SETX: variants seen among roughly 807,000 people sequenced by gnomAD.
SETX encodes the protein senataxin.
Under a neutral mutation model 227.2 loss-of-function variants are expected in SETX, and 90 were observed. The observed-to-expected ratio is 0.40, with a 90% confidence interval of 0.33 to 0.47. The LOEUF (loss-of-function observed/expected upper bound fraction) is 0.47. SETX is among the 20% of genes least tolerant of loss of function. The pLI, the probability that SETX is intolerant of heterozygous loss-of-function variation, is 0.91. For synonymous variants in SETX, 1,210 were observed against 1,113.2 expected, an observed-to-expected ratio of 1.09 and a Z score of -1.73; for missense variants, 3,052 against 3,181.5, an observed-to-expected ratio of 0.96 and a Z score of 0.98.
intron 14 of SETX, 60 bp downstream of exon 14, chr9:132,296,827 C>A: frequency 6.7e-7 from 1 of 1,491,122 alleles, no homozygotes; most frequent in Admixed American, 1.7e-5. Flanking sequence ...TGTCAGTTAA[C>A]TCAAGTAAAG....
intron 10 of SETX, among the ~76,000 whole-genome samples, chr9:132,313,391 T>C (rs1845782745): frequency 6.6e-6 from 1 of 152,104 alleles, no homozygotes; most frequent in Non-Finnish European, 1.5e-5. Context: ...ATACTTTTAG[T>C]TTGAAATTAT....
intron 18 of SETX, among the ~76,000 whole-genome samples, chr9:132,285,190 T>C (rs1211878963): frequency 6.6e-6 from 1 of 151,904 alleles, no homozygotes; most frequent in African/African-American, 2.4e-5. Flanking sequence ...GCTATTTTCA[T>C]TAACTGTTTA....
At chr9:132,332,080 A>G (rs1847271785) in intron 7 of SETX, among the ~76,000 whole-genome samples, 1 of 152,224 alleles carries the variant, frequency 6.6e-6, no homozygotes. Context: ...CTTCTCTATC[A>G]AATATGCAGT....
chr9:132,330,142 C>A lies in SETX; in HGVS notation c.1456G>T (p.Val486Leu), dbSNP rs368362172. ...HLLWVSSQQW[V>L]EAVVKCAKLP... ...TTGGCACATTTGACGACGGCTTCCA[C>A]CCATTGCTGGGAACTTACCCACAGC... The change falls in exon 10 of 26, where the codon GTG becomes TTG. Residue 486 changes from valine (V) to leucine (L), a missense_variant. Val to Leu is a conservative substitution (Grantham distance 32, BLOSUM62 1). This residue lies in a region of SETX where 179 missense variants were observed against 197.1 expected (regional missense o/e 0.91). Transcript: ENST00000224140. 1.2e-6 allele frequency: 2 copies of A among 1,610,524 alleles called. No individual in the cohort carries two copies. The highest frequency in any genetic ancestry group is 2.7e-5 in the African/African-American group (2 of 74,894).
intron 3 of SETX, among the ~76,000 whole-genome samples, chr9:132,347,389 C>T (rs1201779912): frequency 4.0e-5 from 6 of 151,780 alleles, no homozygotes; most frequent in East Asian, 2.0e-4. Flanking sequence ...CTCAGCTCAC[C>T]GCAACCTTGG....
chr9:132,335,179 A>G (rs1847520694), intron 6 of SETX, among the ~76,000 whole-genome samples: 1 of 151,800 alleles, frequency 6.6e-6, no homozygotes, highest in African/African-American at 2.4e-5. Context: ...TCACAAAGTC[A>G]GGAGATCGAG....
intron 3 of SETX, among the ~76,000 whole-genome samples, chr9:132,348,023 C>T (rs1848385749): frequency 6.6e-6 from 1 of 150,494 alleles, no homozygotes. Flanking sequence ...GCCATTTGCC[C>T]ATTAAAAAAA....
chr9:132,279,613 G>A (rs1843380559), intron 20 of SETX, among the ~76,000 whole-genome samples: 1 of 152,166 alleles, frequency 6.6e-6, no homozygotes, highest in African/African-American at 2.4e-5. Context: ...ATTTATATGT[G>A]TGATTTTAAA....
intron 5 of SETX, among the ~76,000 whole-genome samples, chr9:132,338,727 T>C (rs1441046601): frequency 6.6e-6 from 1 of 152,180 alleles, no homozygotes; most frequent in Non-Finnish European, 1.5e-5. Context: ...ATCCATATTT[T>C]TTGTATTGTT....
At chr9:132,314,122 C>T (rs1053883819) in intron 10 of SETX, among the ~76,000 whole-genome samples, 8 of 152,016 alleles carry the variant, frequency 5.3e-5, no homozygotes, top group South Asian at 2.1e-4. Context: ...GACAGAGTTT[C>T]GGTCTTGTTG....
intron 7 of SETX, among the ~76,000 whole-genome samples, chr9:132,331,860 TAAAGG>T (rs1847258579): frequency 6.6e-6 from 1 of 151,770 alleles, no homozygotes; most frequent in South Asian, 2.1e-4. Flanking sequence ...AGGAAAAAAA[TAAAGG>T]AAAGAGAAAG....
At chr9:132,337,314 A>C (rs1396304704) in intron 5 of SETX, among the ~76,000 whole-genome samples, 1 of 152,072 alleles carries the variant, frequency 6.6e-6, no homozygotes, top group Non-Finnish European at 1.5e-5. Context: ...AAAGGAAAGA[A>C]AACACAAAAT....
intron 23 of SETX, 98 bp downstream of exon 23, chr9:132,275,158 C>T (rs1843092317): frequency 7.4e-7 from 1 of 1,353,528 alleles, no homozygotes. Context: ...CCAATTTGCA[C>T]AGACCACTCC....
chr9:132,299,505 T>C (rs1844861162), intron 12 of SETX, among the ~76,000 whole-genome samples: 1 of 152,188 alleles, frequency 6.6e-6, no homozygotes, highest in African/African-American at 2.4e-5. Flanking sequence ...ATCACACAAA[T>C]AAACATGGTA....
chr9:132,298,568 G>A (rs1307571349), intron 12 of SETX, among the ~76,000 whole-genome samples: 1 of 152,182 alleles, frequency 6.6e-6, no homozygotes, highest in Non-Finnish European at 1.5e-5. Flanking sequence ...AGCACACAAA[G>A]GGAGGAAGTG....
intron 4 of SETX, among the ~76,000 whole-genome samples, chr9:132,344,104 T>A (rs1848153902): frequency 6.6e-6 from 1 of 152,150 alleles, no homozygotes; most frequent in African/African-American, 2.4e-5. Context: ...AAGTCGACCC[T>A]CCAGAGAAGC....
Position 132,262,630 on chromosome 9 carries a change from G to A in SETX, c.*1609C>T, listed in dbSNP as rs1249841471. 6.6e-6 allele frequency: 1 copy of A among 152,614 alleles called. No homozygotes were observed. Among genetic ancestry groups the A allele is most frequent in the Non-Finnish European group, 1.5e-5 (1 of 68,024 alleles). The allele number at this position is 152,614 out of a possible 1,614,324, so 9.5% of individuals were successfully genotyped here. A position where few individuals can be genotyped will look rare whatever the true frequency, so the allele number is the denominator to read the frequency against. On this transcript the variant is annotated 3_prime_UTR_variant, in exon 26 of 26. Transcript: ENST00000224140. ...AAGTCACCTGCTCCCTGGGTTTCAG[G>A]AGTATTCAGTTGACCGTCTGGACAC...
In SETX at chr9:132,349,419, A is replaced by G; in HGVS notation, c.10T>C (p.Cys4Arg). 1 of 1,614,192 alleles carries G rather than the reference A, an allele frequency of 6.2e-7. No individual in the cohort carries two copies. Among genetic ancestry groups the G allele is most frequent in the Admixed American group, 1.7e-5 (1 of 60,016 alleles). ...GCACCACCTGGCGTACACCAACAAC[A>G]TGTGCTCATTCTGTACCTACAGCCA... MST[C>R]CWCTPGGAST... Residue 4 changes from cysteine (C) to arginine (R), a missense_variant, in exon 3 of 26, where the codon TGT becomes CGT. Physicochemically the swap from Cys to Arg is radical, Grantham distance 180. Around this residue, in one of 10 missense-constraint regions of SETX, gnomAD observed 152 missense variants for 156.2 expected, o/e 0.97. Transcript: ENST00000224140.
At chr9:132,269,313 G>T in intron 25 of SETX, 1 of 923,824 alleles carries the variant, frequency 1.1e-6, no homozygotes, top group Non-Finnish European at 1.5e-6. Context: ...TAAGTGCCAA[G>T]CAATTGCTTT....
Sources: allele counts gnomAD v4.1 joint callset (sites outside exome capture counted in the v4.1 genomes callset), GRCh38; gene constraint gnomAD v4.1.1; regional missense constraint gnomAD v4.1.1; transcripts MANE v1.5; gene names NCBI Gene and HGNC (gene_info 2026-07-23, HGNC 2026-07-21).